ACADVL: variants seen among roughly 807,000 people sequenced by gnomAD.
The protein encoded by ACADVL is very long-chain acyl-CoA dehydrogenase, mitochondrial.
Under a neutral mutation model 80.4 loss-of-function variants are expected in ACADVL, and 73 were observed. The ratio of observed to expected loss-of-function variants is 0.91; its 90% confidence interval spans 0.75 to 1.10. The LOEUF (loss-of-function observed/expected upper bound fraction) is 1.10. Among genes scored for constraint, ACADVL ranks in the 50% least tolerant of loss-of-function variants. ACADVL has a pLI of 0.00. For missense variants in ACADVL, 878 were observed against 858.9 expected (o/e 1.02, Z -0.28); for synonymous variants, 392 against 326.5 (o/e 1.20, Z -2.16).
At chr17:7,224,101 G>A (rs373710921) in intron 14 of ACADVL, 32 bp downstream of exon 14, 1 of 1,613,806 alleles carries the variant, frequency 6.2e-7, no homozygotes, top group Non-Finnish European at 8.5e-7. Context: ...GGGTAGAGGT[G>A]GGGAGGACAG....
intron 11 of ACADVL, 78 bp downstream of exon 11, chr17:7,223,315 C>A: frequency 7.5e-7 from 1 of 1,339,356 alleles, no homozygotes; most frequent in Non-Finnish European, 1.1e-6. Context: ...CCCCCAGCAG[C>A]ACCTGGGGCA....
rs2071362166 is a variant in ACADVL at position 7,224,132 on chromosome 17, C to T, written c.1435-14C>T. 2 of 1,613,928 alleles carry T rather than the reference C, an allele frequency of 1.2e-6. No individual in the cohort carries two copies. Among genetic ancestry groups the T allele is most frequent in the Admixed American group, 1.7e-5 (1 of 60,004 alleles). On this transcript the variant is annotated splice_polypyrimidine_tract_variant and intron_variant, in intron 14 of 19. Coordinates refer to ENST00000356839, the MANE Select transcript of ACADVL (RefSeq NM_000018.4). ...GACAGTGAGTCCTGACTGCTGGACC[C>T]TCTTCCCCCATAGGACAAAGGAAAG...
chr17:7,218,758 GAGA>G, upstream of ACADVL: 1 of 1,597,272 alleles, frequency 6.3e-7, no homozygotes, highest in Admixed American at 1.7e-5. Flanking sequence ...AAGATTTGGG[GAGA>G]AGGATCTCCG....
Position 7,221,043 on chromosome 17 carries a change from C to A in ACADVL, c.462C>A (p.Gly154=), listed in dbSNP as rs750299236. The A allele has an allele frequency of 1.9e-6, 3 of 1,613,760 alleles. No homozygotes were observed. The South Asian group carries it at 3.3e-5, about 18-fold the overall frequency. Residue 154 remains glycine (G), a synonymous_variant, in exon 6 of 20, where the codon GGC becomes GGA. Transcript: ENST00000356839. ...TGCCCAGTGAGCTGGGTGGTGTGGG[C>A]CTTTGCAACACCCAGGTGAGGGCGC... ...LQVPSELGGV[G]LCNTQYARLV...
chr17:7,221,332 A>G (rs2071206121), intron 6 of ACADVL: 2 of 966,666 alleles, frequency 2.1e-6, no homozygotes, highest in African/African-American at 3.2e-5. Context: ...TCACCCTCCT[A>G]CCTAGACCTA....
chr17:7,223,393 AAG>A (rs780317644), intron 11 of ACADVL, 156 bp downstream of exon 11: 21 of 846,854 alleles, frequency 2.5e-5, no homozygotes, highest in Middle Eastern at 2.2e-4. Context: ...AGCTTCTGCG[AAG>A]AGAGACAGCA....
chr17:7,217,837 G>C (rs2071004314), upstream of ACADVL: 2 of 1,533,212 alleles, frequency 1.3e-6, no homozygotes, highest in Non-Finnish European at 1.7e-6. Flanking sequence ...TCATTTCTTA[G>C]AGAAGGAAGC....
upstream of ACADVL, chr17:7,217,145 C>A: frequency 1.5e-6 from 2 of 1,295,494 alleles, no homozygotes; most frequent in South Asian, 3.0e-5. Context: ...AGAGACAGTC[C>A]ATGTTGGGGG....
intron 14 of ACADVL, 22 bp from the exon 15 acceptor site, chr17:7,224,124 G>A (rs528862091): frequency 1.2e-6 from 2 of 1,613,944 alleles, no homozygotes; most frequent in South Asian, 2.2e-5. Context: ...AGTCCTGACT[G>A]CTGGACCCTC....
rs2071170809 is a variant in ACADVL at position 7,220,805 on chromosome 17, T to G, written c.317T>G (p.Val106Gly). ...CAGACACAGTTTCTTAAAGAGCTGG[T>G]GGAGCCTGTGTCCCGTTTCTTCGAG... ...EEQTQFLKEL[V>G]EPVSRFFEEV... Residue 106 changes from valine to glycine, a missense_variant, in exon 5 of 20, where the codon GTG becomes GGG. Coordinates refer to ENST00000356839, the MANE Select transcript of ACADVL (RefSeq NM_000018.4). 6.2e-7 allele frequency: 1 copy of G among 1,614,110 alleles called. No homozygotes were observed. Among genetic ancestry groups the G allele is most frequent in the Non-Finnish European group, 8.5e-7 (1 of 1,180,034 alleles).
rs756800545 is a variant in ACADVL, at chr17:7,220,441, T to C, written c.139-23T>C. ...CACAGCGGAAGTCCCTTCCCTGAAC[T>C]TGCTAACCGTCTCTTTTCCCAGCTG... On this transcript the variant is annotated intron_variant, in intron 2 of 19. Transcript: ENST00000356839. 2.5e-6 allele frequency: 4 copies of C among 1,614,126 alleles called. No homozygotes were observed. The South Asian group carries it at 3.3e-5, about 13-fold the overall frequency.
chr17:7,218,177 T>G, upstream of ACADVL: 1 of 1,427,912 alleles, frequency 7.0e-7, no homozygotes, highest in Non-Finnish European at 9.7e-7. Flanking sequence ...TTAGTGATAT[T>G]TGGCTCACCC....
At chr17:7,221,372 T>C in intron 6 of ACADVL, 166 bp from the exon 7 acceptor site, 1 of 1,257,318 alleles carries the variant, frequency 8.0e-7, no homozygotes, top group Non-Finnish European at 1.1e-6. Context: ...GCTGTGCCCT[T>C]TGCACACCCC....
chr17:7,224,005 T>A lies in ACADVL; in HGVS notation c.1370T>A (p.Ile457Asn), dbSNP rs1392710608. The A allele has an allele frequency of 6.2e-7, 1 of 1,614,164 alleles. No individual in the cohort carries two copies. The highest frequency in any genetic ancestry group is 1.3e-5 in the African/African-American group (1 of 75,048). Residue 457 changes from isoleucine to asparagine, a missense_variant, in exon 14 of 20, where the codon ATC (isoleucine) becomes AAC (asparagine). By Grantham distance (149) the Ile-to-Asn change is moderately radical (BLOSUM62 -3). Transcript: ENST00000356839. ...GAGCGTGTGCTCCGAGATCTTCGCA[T>A]CTTCCGGATCTTTGAGGGGACAAAT... ...GVERVLRDLR[I>N]FRIFEGTNDI...
In ACADVL at chr17:7,223,323, G is replaced by A. The variant is rs769542848; in HGVS notation, c.1182+86G>A. 128 of 1,265,132 alleles carry A rather than the reference G, an allele frequency of 1.0e-4. 1 individual carries two copies. Among genetic ancestry groups the A allele is most frequent in the Non-Finnish European group, 5.8e-6 (5 of 863,402 alleles). 78.4% of individuals were successfully genotyped at this position (1,265,132 alleles called of 1,614,324 possible). ...ACTACAACCCCCAGCAGCACCTGGGGCAGTGGGTCTCCAGCTTTACACCAA... is the reference window on the plus strand; with the variant it reads ...ACTACAACCCCCAGCAGCACCTGGGACAGTGGGTCTCCAGCTTTACACCAA... On this transcript the variant is annotated intron_variant, in intron 11 of 19. Coordinates refer to ENST00000356839, the MANE Select transcript of ACADVL (RefSeq NM_000018.4).
chr17:7,222,932 C>T lies in ACADVL; in HGVS notation c.1077+67C>T. ...TCTCACTGTCCCCCTTGCCATGTGT[C>T]CCTGATCACTTGCAGGCACTCCCTA... is the stretch of plus-strand genomic sequence containing the variant. On this transcript the variant is annotated intron_variant, in intron 10 of 19. Transcript: ENST00000356839. 4.4e-6 allele frequency: 7 copies of T among 1,580,338 alleles called. No individual in the cohort carries two copies. In the South Asian group the frequency reaches 7.8e-5, roughly 18 times the overall value.
In ACADVL at chr17:7,224,402, C is replaced by G. The variant is rs1370192669; in HGVS notation, c.1605+9C>G. 2 of 1,613,718 alleles carry G rather than the reference C, an allele frequency of 1.2e-6. No homozygotes were observed. The highest frequency in any genetic ancestry group is 1.3e-5 in the African/African-American group (1 of 74,994). On this transcript the variant is annotated intron_variant, in intron 16 of 19. Coordinates refer to ENST00000356839, the MANE Select transcript of ACADVL (RefSeq NM_000018.4). Reference sequence around the variant, plus strand: ...GTCGGAGTGGCGAGCTGGTAAGTGGCCAGGGGTCCAGGAGAGCCTGCATCA... The same window carrying G: ...GTCGGAGTGGCGAGCTGGTAAGTGGGCAGGGGTCCAGGAGAGCCTGCATCA...
upstream of ACADVL, chr17:7,219,602 T>C (rs762906819): frequency 5.1e-6 from 6 of 1,173,344 alleles, no homozygotes; most frequent in Non-Finnish European, 5.3e-6. Flanking sequence ...TACACTTCTC[T>C]TTCCCTACTT....
Position 7,219,997 on chromosome 17 carries a change from C to A in ACADVL, c.13C>A (p.Arg5=). The A allele has an allele frequency of 6.2e-7, 1 of 1,603,212 alleles. No homozygotes were observed. The highest frequency in any genetic ancestry group is 1.1e-5 in the South Asian group (1 of 90,024). ...GAGAGATTCGGAGATGCAGGCGGCT[C>A]GGATGGCCGCGAGCTTGGGGCGGCA... is the stretch of plus-strand genomic sequence containing the variant. MQAA[R]MAASLGRQLL... is the part of the protein sequence containing the mutation. Residue 5 remains arginine (R), a synonymous_variant, in exon 1 of 20, where the codon CGG becomes AGG. Coordinates refer to ENST00000356839, the MANE Select transcript of ACADVL (RefSeq NM_000018.4).
Sources: gnomAD v4.1 joint callset for allele counts on GRCh38, gnomAD v4.1.1 for gene constraint, MANE v1.5 for transcripts, NCBI Gene and HGNC (gene_info 2026-07-23, HGNC 2026-07-21) for gene names.